EPRS1: variants seen among roughly 807,000 people sequenced by gnomAD.
EPRS1 encodes bifunctional glutamate/proline--tRNA ligase.
EPRS1 carries 107 observed loss-of-function variants against 188.3 expected under a neutral mutation model. The ratio of observed to expected loss-of-function variants is 0.57; its 90% CI spans 0.49 to 0.67. The LOEUF (loss-of-function observed/expected upper bound fraction) is 0.67. Among genes scored for constraint, EPRS1 ranks in the 30% least tolerant of loss-of-function variants. EPRS1 has a pLI of 0.00. For synonymous variants in EPRS1, 596 were observed against 593.1 expected (o/e 1.00, Z -0.07); for missense variants, 1,577 against 1,802.2 (o/e 0.88, Z 2.26).
chr1:220,026,332 G>C (rs1395812895), intron 6 of EPRS1, among the ~76,000 whole-genome samples: 2 of 152,122 alleles, frequency 1.3e-5, no homozygotes, highest in African/African-American at 4.8e-5. Flanking sequence ...CAGAGACACT[G>C]TTGATAATAT....
At position 220,020,081 on chromosome 1, in the gene EPRS1, T is replaced by C. The variant is rs114015346; in HGVS notation, c.1256A>G (p.Tyr419Cys). 29,196 of 1,614,004 alleles carry C rather than the reference T, an allele frequency of 0.018. 359 individuals are homozygous for C. Among genetic ancestry groups the C allele is most frequent in the Non-Finnish European group, 0.021 (24,468 of 1,179,878 alleles). ...ATTTAGCCGACTATATTCCCAAATA[T>C]ATGGTTTTCTTATGCCTAAAGCTTC... ...IIEALGIRKP[Y>C]IWEYSRLNLN... is the part of the protein sequence containing the mutation. The change falls in exon 10 of 32, where the codon TAT (tyrosine) becomes TGT (cysteine). Residue 419 changes from tyrosine (Y) to cysteine (C), a missense_variant. This residue lies in a region of EPRS1 where 1,278 missense variants were observed against 1,457.4 expected (regional missense o/e 0.88). Transcript: ENST00000366923.
At chr1:220,001,668 A>G (rs142876296) in intron 16 of EPRS1, among the ~76,000 whole-genome samples, 4 of 152,340 alleles carry the variant, frequency 2.6e-5, no homozygotes, top group African/African-American at 9.6e-5. Context: ...AAAATAGTCC[A>G]TTGTCTTACT....
rs989450613 is a variant in EPRS1 at position 219,987,230 on chromosome 1, C to T, written c.2950G>A (p.Gly984Ser). The change falls in exon 20 of 32, where the codon GGC becomes AGC. Residue 984 changes from glycine (G) to serine (S), a missense_variant. Coordinates refer to ENST00000366923, the MANE Select transcript of EPRS1 (RefSeq NM_004446.3). ...KQNKPQKQNDGQRKDPSKNQG... is the reference protein window; with the variant it reads ...KQNKPQKQNDSQRKDPSKNQG... Reference sequence around the variant, plus strand: ...TTTTTAGAAGGGTCTTTCCTTTGGCCATCATTTTGTTTCTGAGGCTTATTC... The same window carrying T: ...TTTTTAGAAGGGTCTTTCCTTTGGCTATCATTTTGTTTCTGAGGCTTATTC... 5 of 1,614,060 alleles carry T rather than the reference C, an allele frequency of 3.1e-6. No homozygotes were observed. Among genetic ancestry groups the T allele is most frequent in the Middle Eastern group, 1.6e-4 (1 of 6,062 alleles).
intron 28 of EPRS1, among the ~76,000 whole-genome samples, chr1:219,974,239 T>C (rs1557130): frequency 0.062 from 9,387 of 152,246 alleles, 392 homozygotes; most frequent in East Asian, 0.19. Context: ...CCACCGTACT[T>C]GGCCAAGAGT....
chr1:220,036,186 C>T (rs1371274202), intron 2 of EPRS1, among the ~76,000 whole-genome samples: 1 of 152,096 alleles, frequency 6.6e-6, no homozygotes. Context: ...GGCAGCGGAG[C>T]AAGACTCCAC....
chr1:219,997,203 T>A lies in EPRS1; in HGVS notation c.2321A>T (p.Lys774Met). The A allele has an allele frequency of 6.2e-7, 1 of 1,614,120 alleles. No homozygotes were observed. Among genetic ancestry groups the A allele is most frequent in the South Asian group, 1.1e-5 (1 of 91,080 alleles). Residue 774 changes from lysine (K) to methionine (M), a missense_variant, in exon 18 of 32, where the codon AAG (lysine) becomes ATG (methionine). This residue lies in a region of EPRS1 where 1,278 missense variants were observed against 1,457.4 expected (regional missense o/e 0.88). Transcript: ENST00000366923. ...VRELKAKKAP[K>M]EDVDAAVKQL... ...TTTTACAGCTGCATCTACATCTTCC[T>A]TTGGTGCTTTCTTGGCTTTTAATTC...
Position 219,968,766 on chromosome 1 carries a change from A to C in EPRS1, c.*40T>G. The C allele has an allele frequency of 6.2e-7, 1 of 1,602,968 alleles. No individual in the cohort carries two copies. Among genetic ancestry groups the C allele is most frequent in the Non-Finnish European group, 8.5e-7 (1 of 1,170,432 alleles). ...AGAAGATACTAATATCAATGCTTTA[A>C]AAAGTGAGAGGAGTTGAAGAGGGGG... On this transcript the variant is annotated 3_prime_UTR_variant, in exon 32 of 32. Transcript: ENST00000366923.
At chr1:220,040,951 C>T (rs559657215) in intron 1 of EPRS1, among the ~76,000 whole-genome samples, 7 of 151,230 alleles carry the variant, frequency 4.6e-5, no homozygotes, top group South Asian at 2.1e-4. Context: ...AAAAAGCTAT[C>T]GTTAATAGTA....
At chr1:220,024,529 G>C (rs1661936091) in intron 7 of EPRS1, 73 bp from the exon 8 acceptor site, 1 of 959,736 alleles carries the variant, frequency 1.0e-6, no homozygotes, top group Non-Finnish European at 1.6e-6. Flanking sequence ...CCTTGATACT[G>C]CATTTAAGCA....
At chr1:220,016,447 G>A (rs1661715221) in intron 12 of EPRS1, among the ~76,000 whole-genome samples, 2 of 150,992 alleles carry the variant, frequency 1.3e-5, no homozygotes, top group Admixed American at 6.6e-5. Flanking sequence ...GTCTCACCCT[G>A]TCACCCAGGC....
chr1:220,023,556 T>G (rs1046339824), intron 8 of EPRS1, among the ~76,000 whole-genome samples: 1 of 152,212 alleles, frequency 6.6e-6, no homozygotes, highest in Admixed American at 6.5e-5. Context: ...AGGTTAGTAC[T>G]GAGCTTGTAC....
intron 26 of EPRS1, 25 bp downstream of exon 26, chr1:219,980,060 C>T (rs747413517): frequency 7.5e-6 from 12 of 1,607,270 alleles, no homozygotes; most frequent in Admixed American, 5.0e-5. Context: ...CAGTGACCTA[C>T]GAATCCTGTG....
rs1336824657 is a variant in EPRS1 at position 220,020,147 on chromosome 1, G to A, written c.1190C>T (p.Thr397Ile). The A allele has an allele frequency of 6.2e-7, 1 of 1,614,056 alleles. No individual in the cohort carries two copies. Residue 397 changes from threonine to isoleucine, a missense_variant, in exon 10 of 32, where the codon ACA becomes ATA. Physicochemically the swap from Thr to Ile is moderately conservative, Grantham distance 89. Transcript: ENST00000366923. The stretch of plus-strand genomic sequence containing the variant: ...CTGCTCATCTCTGTCATGGTATTCT[G>A]TTGTTCTCAGGGCATGTGTAACACC... ...IEGVTHALRT[T>I]EYHDRDEQFY...
Position 220,025,161 on chromosome 1 carries a change from G to T in EPRS1, c.721C>A (p.Pro241Thr). The T allele has an allele frequency of 1.2e-6, 2 of 1,612,876 alleles. No individual in the cohort carries two copies. The highest frequency in any genetic ancestry group is 8.5e-7 in the Non-Finnish European group (1 of 1,179,242). ...KLIMRFDDTN[P>T]EKEKEDFEKV... is the part of the protein sequence containing the mutation. ...TCAAAATCTTCCTTTTCTTTTTCAG[G>T]ATTTGTGTCATCAAATCTCATGATC... Residue 241 changes from proline (P) to threonine (T), a missense_variant, in exon 7 of 32, where the codon CCT becomes ACT. Pro to Thr is a conservative substitution (Grantham distance 38). Coordinates refer to ENST00000366923, the MANE Select transcript of EPRS1 (RefSeq NM_004446.3).
intron 23 of EPRS1, 23 bp from the exon 24 acceptor site, chr1:219,981,480 G>C (rs766671406): frequency 2.6e-6 from 4 of 1,515,214 alleles, no homozygotes; most frequent in South Asian, 2.4e-5. Context: ...GGAAAATAGA[G>C]ACAGTCATTT....
At position 220,033,493 on chromosome 1, in the gene EPRS1, T is replaced by C. The variant is rs1662123097; in HGVS notation, c.388+9A>G. 3.2e-6 allele frequency: 5 copies of C among 1,574,548 alleles called. No individual in the cohort carries two copies. Among genetic ancestry groups the C allele is most frequent in the African/African-American group, 1.4e-5 (1 of 72,812 alleles). On this transcript the variant is annotated intron_variant, in intron 4 of 31. Transcript: ENST00000366923. ...ATTAAAACAGAGGATTATTAAGAAT[T>C]ATTGATACCTTTTAGGGTGGCCCAA...
intron 28 of EPRS1, among the ~76,000 whole-genome samples, chr1:219,974,844 T>C (rs1216770278): frequency 6.6e-6 from 1 of 152,152 alleles, no homozygotes; most frequent in Non-Finnish European, 1.5e-5. Flanking sequence ...TCTTGTCCTC[T>C]AGAAGCTTCA....
chr1:219,978,965 T>TA (rs33914465), intron 27 of EPRS1, among the ~76,000 whole-genome samples: 147 of 9,554 alleles, frequency 0.015, no homozygotes, highest in Non-Finnish European at 0.037. Context: ...TATATATATA[T>TA]TTTTTTTTCC....
chr1:219,973,551 T>C (rs1340808330), intron 28 of EPRS1, among the ~76,000 whole-genome samples, 153 bp from the exon 29 acceptor site: 1 of 138,356 alleles, frequency 7.2e-6, no homozygotes, highest in South Asian at 2.2e-4. Flanking sequence ...AAACAGGTAA[T>C]ACTGCTGAGA....
Sources: gnomAD v4.1 joint callset for allele counts (sites outside exome capture counted in the v4.1 genomes callset) on GRCh38, gnomAD v4.1.1 for gene constraint, gnomAD v4.1.1 regional missense constraint, MANE v1.5 for transcripts, NCBI Gene and HGNC (gene_info 2026-07-23, HGNC 2026-07-21) for gene names.